The following SPATC1L variants were observed in gnomAD, a reference collection of about 807,000 sequenced individuals.
SPATC1L encodes spermatogenesis and centriole associated 1 like.
A neutral mutation model predicts 21.2 loss-of-function variants in SPATC1L; 20 were observed. That is an observed-to-expected ratio of 0.94 (90% CI 0.66 to 1.37). The LOEUF (loss-of-function observed/expected upper bound fraction) is 1.37, where lower values mean the gene tolerates loss of function less well. SPATC1L is among the 40% of genes most tolerant of loss of function. SPATC1L has a pLI of 0.00. For missense variants in SPATC1L, 499 were observed against 478.7 expected, an observed-to-expected ratio of 1.04 and a Z score of -0.40; for synonymous variants, 290 against 234.5, an observed-to-expected ratio of 1.24 and a Z score of -2.16.
chr21:46,178,394 G>T (rs1005061940), intron 2 of SPATC1L, among the ~76,000 whole-genome samples: 2 of 152,108 alleles, frequency 1.3e-5, no homozygotes, highest in Admixed American at 1.3e-4. Context: ...AGAACACGTG[G>T]ACACATAGAG....
In SPATC1L at chr21:46,168,372, C is replaced by T. The variant is rs905038294; in HGVS notation, c.480G>A (p.Lys160=). 1.2e-6 allele frequency: 2 copies of T among 1,607,442 alleles called. No homozygotes were observed. Among genetic ancestry groups the T allele is most frequent in the Non-Finnish European group, 1.7e-6 (2 of 1,174,998 alleles). The change falls in exon 3 of 5, where the codon AAG becomes AAA. Residue 160 remains lysine, a synonymous_variant. Transcript: ENST00000291672. ...LEPREMVRPK[K]VCFSESSLPT... ...GCAGGCTGCTCTCCGAGAAACACAC[C>T]TTCTTAGGCCGGACCATCTCCCTGG...
At chr21:46,168,226 G>A in intron 3 of SPATC1L, 82 bp downstream of exon 3, 1 of 965,442 alleles carries the variant, frequency 1.0e-6, no homozygotes, top group Admixed American at 2.8e-5. Flanking sequence ...AAACGGCCCT[G>A]CCTGACCACC....
At chr21:46,164,409 A>G (rs768246774) in intron 3 of SPATC1L, among the ~76,000 whole-genome samples, 5 of 152,152 alleles carry the variant, frequency 3.3e-5, no homozygotes, top group Non-Finnish European at 5.9e-5. Context: ...GTATGTCAAC[A>G]CACTGCACAG....
At chr21:46,165,866 T>A (rs1406973991) in intron 3 of SPATC1L, among the ~76,000 whole-genome samples, 1 of 152,162 alleles carries the variant, frequency 6.6e-6, no homozygotes, top group Non-Finnish European at 1.5e-5. Context: ...CAGTTGACAT[T>A]ATCAATAAAA....
intron 2 of SPATC1L, among the ~76,000 whole-genome samples, chr21:46,177,683 A>G (rs2079642335): frequency 6.6e-6 from 1 of 152,230 alleles, no homozygotes; most frequent in Non-Finnish European, 1.5e-5. Context: ...GCCATTGTGG[A>G]AGACAGTGTG....
At chr21:46,180,440 C>T (rs545580710) in intron 2 of SPATC1L, among the ~76,000 whole-genome samples, 1 of 152,174 alleles carries the variant, frequency 6.6e-6, no homozygotes, top group Non-Finnish European at 1.5e-5. Flanking sequence ...CCCTCCATGG[C>T]GTTTATAAGT....
intron 2 of SPATC1L, among the ~76,000 whole-genome samples, chr21:46,169,085 C>T (rs1229842729): frequency 6.6e-6 from 1 of 152,258 alleles, no homozygotes; most frequent in Non-Finnish European, 1.5e-5. Context: ...CTGGTAGCTA[C>T]CTGGTTCATT....
intron 3 of SPATC1L, 95 bp downstream of exon 3, chr21:46,168,213 G>T (rs2079553962): frequency 1.3e-6 from 1 of 791,640 alleles, no homozygotes; most frequent in South Asian, 2.1e-5. Context: ...TGACTGGATG[G>T]AGAAACGGCC....
In SPATC1L at chr21:46,162,315, C is replaced by T. The variant is rs372920964; in HGVS notation, c.545-248G>A. ...TTTGCGATGAGGTAAACCTTTTAAT[C>T]TCGGGGGTGGGGACTGGTCCCCTGT... On this transcript the variant is annotated intron_variant, in intron 3 of 4. Coordinates refer to ENST00000291672, the MANE Select transcript of SPATC1L (RefSeq NM_001142854.2). 7.3e-4 allele frequency among the ~76,000 whole-genome samples: 111 copies of T among 152,296 alleles called. 2 individuals are homozygous for T. In the South Asian group the frequency reaches 0.022, roughly 30 times the overall value.
chr21:46,164,794 GAAAAAA>G (rs72042671), intron 3 of SPATC1L, among the ~76,000 whole-genome samples: 2 of 86,476 alleles, frequency 2.3e-5, no homozygotes, highest in Non-Finnish European at 4.9e-5. Flanking sequence ...TCCATCTCAA[GAAAAAA>G]AAAAAAAAAA....
intron 2 of SPATC1L, among the ~76,000 whole-genome samples, chr21:46,171,580 A>C (rs1221727069): frequency 6.6e-6 from 1 of 151,936 alleles, no homozygotes; most frequent in Non-Finnish European, 1.5e-5. Flanking sequence ...GGCTTCACAG[A>C]CCCCCCACCC....
chr21:46,166,143 A>G (rs2079538640), intron 3 of SPATC1L, among the ~76,000 whole-genome samples: 2 of 152,198 alleles, frequency 1.3e-5, no homozygotes, highest in African/African-American at 4.8e-5. Flanking sequence ...AGGTGGGCGG[A>G]TCACTTGAGG....
chr21:46,171,576 A>C (rs2079591052), intron 2 of SPATC1L, among the ~76,000 whole-genome samples: 1 of 137,142 alleles, frequency 7.3e-6, no homozygotes, highest in Non-Finnish European at 1.6e-5. Context: ...CTCAGGCTTC[A>C]CAGACCCCCC....
At chr21:46,172,372 C>T (rs1339395741) in intron 2 of SPATC1L, among the ~76,000 whole-genome samples, 1 of 152,252 alleles carries the variant, frequency 6.6e-6, no homozygotes. Context: ...ATACCAGATA[C>T]GGTCCCTGGC....
Position 46,161,609 on chromosome 21 carries a change from C to T in SPATC1L, c.793G>A (p.Gly265Ser). 6.2e-7 allele frequency: 1 copy of T among 1,610,444 alleles called. No individual in the cohort carries two copies. Among genetic ancestry groups the T allele is most frequent in the Non-Finnish European group, 8.5e-7 (1 of 1,179,052 alleles). Residue 265 changes from glycine to serine, a missense_variant, in exon 5 of 5, where the codon GGC becomes AGC. Coordinates refer to ENST00000291672, the MANE Select transcript of SPATC1L (RefSeq NM_001142854.2). The part of the protein sequence containing the change: ...LALSARLEKL[G>S]YSRDVHPAFS... ...GCCGGGTGCACGTCGCGGCTGTAGC[C>T]CAGCTTCTCCAGGCGCGCGCTCAGG... is the stretch of plus-strand genomic sequence containing the variant.
intron 2 of SPATC1L, among the ~76,000 whole-genome samples, chr21:46,176,443 A>G (rs2079634223): frequency 6.6e-6 from 1 of 152,258 alleles, no homozygotes; most frequent in Admixed American, 6.5e-5. Context: ...CTCAGGATAC[A>G]AAATGAATGT....
intron 2 of SPATC1L, among the ~76,000 whole-genome samples, chr21:46,181,335 G>A (rs1011052968): frequency 1.1e-4 from 17 of 152,256 alleles, no homozygotes; most frequent in African/African-American, 3.1e-4. Context: ...GCCCCCAGGC[G>A]CCAGGTTCCC....
In SPATC1L at chr21:46,162,015, G is replaced by C; in HGVS notation, c.597C>G (p.Ile199Met). ...AEKDARVVGE[I>M]AFQLDRRILA... is the part of the protein sequence containing the mutation. ...GGATGCGGCGGTCCAGCTGGAAGGC[G>C]ATCTCGCCCACCACGCGCGCGTCCT... The change falls in exon 4 of 5, where the codon ATC becomes ATG. Residue 199 changes from isoleucine to methionine, a missense_variant. Coordinates refer to ENST00000291672, the MANE Select transcript of SPATC1L (RefSeq NM_001142854.2). 6.3e-7 allele frequency: 1 copy of C among 1,599,598 alleles called. No individual in the cohort carries two copies.
At chr21:46,174,350 A>AAAAAAAAAAAAAC (rs2079616339) in intron 2 of SPATC1L, among the ~76,000 whole-genome samples, 1 of 148,160 alleles carries the variant, frequency 6.7e-6, no homozygotes, top group South Asian at 2.3e-4. Flanking sequence ...AAAACAAAAA[A>AAAAAAAAAAAAAC]AAAAAAAAAA....
Sources: allele counts gnomAD v4.1 joint callset (sites outside exome capture counted in the v4.1 genomes callset), GRCh38; gene constraint gnomAD v4.1.1; transcripts MANE v1.5; gene names NCBI Gene and HGNC (gene_info 2026-07-23, HGNC 2026-07-21).